Variants in SH2D6 observed in about 807,000 individuals in gnomAD.
SH2D6 encodes SH2 domain-containing protein 6.
In SH2D6, 31 loss-of-function variants were observed where a neutral mutation model predicts 30.2. The ratio of observed to expected loss-of-function variants is 1.03; its 90% confidence interval spans 0.77 to 1.38. SH2D6 has a LOEUF of 1.38. Ranked by LOEUF, SH2D6 falls within the 40% of genes most tolerant of loss-of-function variation. The pLI, the probability that SH2D6 is intolerant of heterozygous loss-of-function variation, is 0.00. For missense variants in SH2D6, 240 were observed against 266.8 expected (o/e 0.90, Z 0.70); for synonymous variants, 93 against 104.6 (o/e 0.89, Z 0.68).
At chr2:85,420,283 C>T (rs1687700744) in intron 2 of SH2D6, among the ~76,000 whole-genome samples, 1 of 152,116 alleles carries the variant, frequency 6.6e-6, no homozygotes, top group African/African-American at 2.4e-5. Flanking sequence ...CCACGCCTGG[C>T]TAATTTTCGT....
rs1463046082 is a variant in SH2D6, at chr2:85,422,514, A to T, written c.-404+24A>T. ...AGGTGAGTGTGAGGGAGTCCCTGGG[A>T]AACAATGGAGGGACTGGGGATGGGG... is the stretch of plus-strand genomic sequence containing the variant. On this transcript the variant is annotated intron_variant, in intron 4 of 23. Coordinates refer to ENST00000469800, the MANE Select transcript of SH2D6 (RefSeq NM_001394463.1). The T allele has an allele frequency of 2.0e-5, 3 of 152,268 alleles. No individual in the cohort carries two copies. The East Asian group carries it at 5.8e-4, about 29-fold the overall frequency. 9.4% of individuals were successfully genotyped at this position (152,268 alleles called of 1,614,324 possible). A position where few individuals can be genotyped will look rare whatever the true frequency, so the allele number is the denominator to read the frequency against.
intron 19 of SH2D6, chr2:85,434,827 G>A: frequency 6.8e-7 from 1 of 1,467,352 alleles, no homozygotes; most frequent in Admixed American, 2.7e-5. Flanking sequence ...AAATCAGGAA[G>A]CTCCTAGTCT....
intron 2 of SH2D6, among the ~76,000 whole-genome samples, chr2:85,420,682 CA>C (rs1687716790): frequency 6.6e-6 from 1 of 152,266 alleles, no homozygotes; most frequent in African/African-American, 2.4e-5. Flanking sequence ...CCTAACTTCC[CA>C]CGTTCTTTCG....
At chr2:85,421,630 C>G (rs1014717622) in intron 2 of SH2D6, 1 of 152,228 alleles carries the variant, frequency 6.6e-6, no homozygotes, top group East Asian at 1.9e-4. Flanking sequence ...AGCGTGCAGT[C>G]GAGTGTGGGA....
At chr2:85,427,081 C>T (rs1349740313) in intron 6 of SH2D6, among the ~76,000 whole-genome samples, 1 of 152,176 alleles carries the variant, frequency 6.6e-6, no homozygotes, top group Admixed American at 6.5e-5. Flanking sequence ...GGGGAAAAAT[C>T]CATTTGAGTT....
intron 14 of SH2D6, among the ~76,000 whole-genome samples, chr2:85,432,546 G>A (rs552104428): frequency 3.2e-4 from 49 of 151,622 alleles, no homozygotes; most frequent in African/African-American, 1.5e-4. Flanking sequence ...GACTACAGGC[G>A]CCCGCTACCA....
chr2:85,419,434 T>C (rs1330789558), intron 2 of SH2D6, among the ~76,000 whole-genome samples, 190 bp downstream of exon 2: 2 of 152,210 alleles, frequency 1.3e-5, no homozygotes, highest in East Asian at 3.9e-4. Flanking sequence ...AGCCAGGAAC[T>C]CAGGGTCCGG....
intron 19 of SH2D6, 170 bp from the exon 20 acceptor site, chr2:85,434,869 ACACGAGGCCTGGCTGGTGGGTCCTGC>A: frequency 3.3e-6 from 5 of 1,528,312 alleles, no homozygotes; most frequent in Non-Finnish European, 3.5e-6. Context: ...TTTGGAGGTC[ACACGAGGCCTGGCTGGTGGGTCCTGC>A]CAGGGCACTG....
intron 13 of SH2D6, among the ~76,000 whole-genome samples, chr2:85,431,486 C>T (rs1688639333): frequency 6.6e-6 from 1 of 152,154 alleles, no homozygotes; most frequent in African/African-American, 2.4e-5. Context: ...TCCAGCCTCC[C>T]CTTCAGCTTC....
chr2:85,434,617 TAA>T (rs532727235), intron 19 of SH2D6, 120 bp downstream of exon 19: 10,304 of 976,872 alleles, frequency 0.011, no homozygotes, highest in East Asian at 0.014. Flanking sequence ...TGACTAGACT[TAA>T]AAAAAAAAAA....
At chr2:85,426,898 C>G (rs1422873870) in intron 6 of SH2D6, among the ~76,000 whole-genome samples, 1 of 152,160 alleles carries the variant, frequency 6.6e-6, no homozygotes. Flanking sequence ...GCCCTCAACC[C>G]GTGGGATCTG....
At chr2:85,422,769 G>A (rs1388221629) in intron 5 of SH2D6, 79 bp downstream of exon 5, 1 of 152,406 alleles carries the variant, frequency 6.6e-6, no homozygotes, top group African/African-American at 2.4e-5. Flanking sequence ...TGCCCTAGAG[G>A]CTGGGGAAAA....
intron 2 of SH2D6, among the ~76,000 whole-genome samples, chr2:85,419,975 AC>A (rs1463910248): frequency 6.6e-6 from 1 of 152,180 alleles, no homozygotes; most frequent in African/African-American, 2.4e-5. Flanking sequence ...TTCTGTTAAA[AC>A]AATCAGCCTT....
At chr2:85,419,461 A>G (rs1687667278) in intron 2 of SH2D6, among the ~76,000 whole-genome samples, 1 of 152,170 alleles carries the variant, frequency 6.6e-6, no homozygotes, top group South Asian at 2.1e-4. Flanking sequence ...CGGTAGGATG[A>G]GCTGTGCTGA....
intron 2 of SH2D6, among the ~76,000 whole-genome samples, chr2:85,419,615 C>CT (rs747669787): frequency 6.6e-6 from 1 of 152,218 alleles, no homozygotes; most frequent in Non-Finnish European, 1.5e-5. Context: ...ACACATTGGA[C>CT]TTTCTGTCTC....
intron 22 of SH2D6, 100 bp downstream of exon 22, chr2:85,435,924 C>A: frequency 7.1e-7 from 1 of 1,401,368 alleles, no homozygotes. Context: ...CATTTTGTAT[C>A]TTTCTGGGGT....
intron 7 of SH2D6, among the ~76,000 whole-genome samples, chr2:85,429,040 G>A (rs558352670): frequency 1.3e-5 from 2 of 152,164 alleles, no homozygotes; most frequent in Admixed American, 6.5e-5. Flanking sequence ...CTCCTTAATC[G>A]TTGGTCATCA....
chr2:85,434,511 G>A lies in SH2D6; in HGVS notation c.589+14G>A. ...CTGCCTCTAAAGGTGAGTAAAGGCT[G>A]GTCCAAAGGTAGTGAGTTATCCCAA... On this transcript the variant is annotated intron_variant, in intron 19 of 23. Coordinates refer to ENST00000469800, the MANE Select transcript of SH2D6 (RefSeq NM_001394463.1). 1 of 1,550,112 alleles carries A rather than the reference G, an allele frequency of 6.5e-7. No homozygotes were observed. Among genetic ancestry groups the A allele is most frequent in the Non-Finnish European group, 8.7e-7 (1 of 1,146,902 alleles).
At chr2:85,431,156 G>GGGAACCCACCTGGGA (rs70953942) in intron 12 of SH2D6, 54 bp from the exon 13 acceptor site, 24,714 of 151,956 alleles carry the variant, frequency 0.16, 2,409 homozygotes, top group East Asian at 0.27. Context: ...GGAGGAAAAT[G>GGGAACCCACCTGGGA]GGAACCCACC....
Sources: allele counts gnomAD v4.1 joint callset (sites outside exome capture counted in the v4.1 genomes callset), GRCh38; gene constraint gnomAD v4.1.1; transcripts MANE v1.5; gene names NCBI Gene and HGNC (gene_info 2026-07-23, HGNC 2026-07-21).